Variants in VASH2 observed in about 807,000 individuals in gnomAD.
The protein encoded by VASH2 is tubulinyl-Tyr carboxypeptidase 2.
VASH2 carries 28 observed loss-of-function variants against 37.2 expected under a neutral mutation model. That is an observed-to-expected ratio of 0.75 (90% CI 0.56 to 1.03). The LOEUF is 1.03. VASH2 is among the 50% of genes least tolerant of loss of function. VASH2 has a pLI of 0.00. For missense variants in VASH2, 419 were observed against 459.1 expected (o/e 0.91, Z 0.80); for synonymous variants, 188 against 174.7 (o/e 1.08, Z -0.60).
chr1:212,951,781 T>G lies in VASH2; in HGVS notation c.239T>G (p.Met80Arg). 1 of 1,607,672 alleles carries G rather than the reference T, an allele frequency of 6.2e-7. No individual in the cohort carries two copies. Among genetic ancestry groups the G allele is most frequent in the Non-Finnish European group, 8.5e-7 (1 of 1,178,318 alleles). ...AAGGTGCACCCTAAGGGGGGAGAAA[T>G]GGTGGGCGCCATCAGGAACGCCGCC... The part of the protein sequence containing the change: ...VAKVHPKGGE[M>R]VGAIRNAAFL... Residue 80 changes from methionine (M) to arginine (R), a missense_variant, in exon 2 of 8, where the codon ATG (methionine) becomes AGG (arginine). Around this residue, in one of 3 missense-constraint regions of VASH2, gnomAD observed 158 missense variants for 163.0 expected, o/e 0.97. Coordinates refer to ENST00000517399, the MANE Select transcript of VASH2 (RefSeq NM_001301056.2). This position sits in a 1 kb window ranked among gnomAD's most constrained non-coding sequence, Gnocchi z 4.4.
Position 212,971,174 on chromosome 1 carries a change from A to C in VASH2, c.498-1406A>C, listed in dbSNP as rs1041781267. Among the ~76,000 whole-genome samples, 8 of 152,190 alleles carry C rather than the reference A, an allele frequency of 5.3e-5. No homozygotes were observed. Among genetic ancestry groups the C allele is most frequent in the African/African-American group, 1.7e-4 (7 of 41,444 alleles). On this transcript the variant is annotated intron_variant, in intron 5 of 7. Transcript: ENST00000517399. The surrounding 1 kb of genome is among the most constrained non-coding windows in gnomAD (Gnocchi z 4.0). ...AAATTCTATTACATGTATACACTAC[A>C]TTTTGTTCATCCCTTTATCCATCGA... is the stretch of plus-strand genomic sequence containing the variant.
chr1:212,974,007 A>C lies in VASH2; in HGVS notation c.932A>C (p.Lys311Thr). ...HSPTQVRSRGKSLSPRRRQAS... is the reference protein window; with the variant it reads ...HSPTQVRSRGTSLSPRRRQAS... ...CCGACCCAAGTGAGAAGCCGGGGAA[A>C]ATCCCTGTCCCCCAGAAGGAGACAG... The change falls in exon 7 of 8, where the codon AAA becomes ACA. Residue 311 changes from lysine (K) to threonine (T), a missense_variant. Physicochemically the swap from Lys to Thr is moderately conservative, Grantham distance 78. Transcript: ENST00000517399. 6.2e-7 allele frequency: 1 copy of C among 1,613,888 alleles called. No individual in the cohort carries two copies. Among genetic ancestry groups the C allele is most frequent in the Non-Finnish European group, 8.5e-7 (1 of 1,179,936 alleles).
chr1:212,974,709 A>G (rs1309281611), intron 7 of VASH2: 1 of 152,232 alleles, frequency 6.6e-6, no homozygotes, highest in East Asian at 1.9e-4. Flanking sequence ...TCCGCTGGCA[A>G]ATATTTGAAC....
intron 3 of VASH2, among the ~76,000 whole-genome samples, chr1:212,965,073 A>AT (rs1666800328): frequency 6.6e-6 from 1 of 152,134 alleles, no homozygotes; most frequent in Non-Finnish European, 1.5e-5. Flanking sequence ...GGCCCATGCC[A>AT]TTACACTTGG....
At chr1:212,965,948 C>T (rs1327967025) in intron 4 of VASH2, 170 bp downstream of exon 4, 2 of 644,006 alleles carry the variant, frequency 3.1e-6, no homozygotes, top group Non-Finnish European at 5.4e-6. Flanking sequence ...GAGGACTGAG[C>T]AACTCTGACA....
intron 5 of VASH2, among the ~76,000 whole-genome samples, chr1:212,969,508 T>C (rs879061773): frequency 2.6e-5 from 4 of 152,132 alleles, no homozygotes; most frequent in Admixed American, 6.5e-5. Flanking sequence ...AATTCTTTTT[T>C]TGAGACGGAG....
rs1191908769 is a variant in VASH2 at position 212,989,323 on chromosome 1, T to C, written c.*739T>C. On this transcript the variant is annotated 3_prime_UTR_variant, in exon 8 of 8. Transcript: ENST00000517399. ...GTTTTTTCAAAATGAAACAAAAATA[T>C]CACATTGAGAAGCTAGTCTATGTTC... The C allele has an allele frequency of 6.6e-6, 1 of 152,210 alleles. No homozygotes were observed. Among genetic ancestry groups the C allele is most frequent in the Non-Finnish European group, 1.5e-5 (1 of 68,042 alleles). The allele number at this position is 152,210 out of a possible 1,614,324, so 9.4% of individuals were successfully genotyped here.
At chr1:212,972,497 C>T in intron 5 of VASH2, 83 bp from the exon 6 acceptor site, 1 of 1,547,252 alleles carries the variant, frequency 6.5e-7, no homozygotes, top group East Asian at 2.2e-5. Flanking sequence ...ACTCACTGAA[C>T]CCTGAGACAC....
At chr1:212,974,383 GA>G (rs1470460217) in intron 7 of VASH2, among the ~76,000 whole-genome samples, 46 of 152,208 alleles carry the variant, frequency 3.0e-4, no homozygotes, top group Admixed American at 2.9e-3. Flanking sequence ...CCTGGGGCTG[GA>G]ACTGGCTCAG....
intron 6 of VASH2, 182 bp from the exon 7 acceptor site, chr1:212,973,773 A>G (rs1667091134): frequency 1.4e-6 from 2 of 1,383,952 alleles, no homozygotes; most frequent in Non-Finnish European, 1.9e-6. Flanking sequence ...GCTGCTTGAC[A>G]GTACAGGACG....
At chr1:212,957,090 T>G (rs1170032630) in intron 2 of VASH2, among the ~76,000 whole-genome samples, 1 of 152,254 alleles carries the variant, frequency 6.6e-6, no homozygotes, top group Non-Finnish European at 1.5e-5. Context: ...CTTTGACTAC[T>G]CTGGGAACCT....
intron 7 of VASH2, among the ~76,000 whole-genome samples, chr1:212,979,199 A>T (rs1006550957): frequency 6.6e-6 from 1 of 152,240 alleles, no homozygotes; most frequent in Non-Finnish European, 1.5e-5. Flanking sequence ...GGAGAGAAGC[A>T]GCTTCTCAGC....
At chr1:212,966,991 C>T in intron 5 of VASH2, 1 of 695,736 alleles carries the variant, frequency 1.4e-6, no homozygotes. Flanking sequence ...GTGATCCGCC[C>T]ACCTCAGCCT....
In VASH2 at chr1:212,983,690, C is replaced by T. The variant is rs139923394; in HGVS notation, c.996-4822C>T. Among the ~76,000 whole-genome samples, 6 of 152,306 alleles carry T rather than the reference C, an allele frequency of 3.9e-5. No homozygotes were observed. The South Asian group carries it at 6.2e-4, about 16-fold the overall frequency. On this transcript the variant is annotated intron_variant, in intron 7 of 7. Transcript: ENST00000517399. ...TGTGATGGTAGGGAGTCAGAAAATA[C>T]TTCCTGAGGTTAGTGACATTTGGGA...
rs1240290611 is a variant in VASH2, at chr1:212,965,902, C to T, written c.422+124C>T. The T allele has an allele frequency of 4.4e-5, 44 of 990,260 alleles. 1 individual carries two copies. The South Asian group carries it at 4.5e-4, about 10-fold the overall frequency. The allele number at this position is 990,260 out of a possible 1,614,324, so 61.3% of individuals were successfully genotyped here. ...TATCCTAGTCTGTAAGGGGTGGAGG[C>T]GGAGGGTGCCCCAGGGCCAGGTTGG... On this transcript the variant is annotated intron_variant, in intron 4 of 7. Coordinates refer to ENST00000517399, the MANE Select transcript of VASH2 (RefSeq NM_001301056.2).
At chr1:212,954,403 A>G (rs1251082740) in intron 2 of VASH2, among the ~76,000 whole-genome samples, 1 of 152,060 alleles carries the variant, frequency 6.6e-6, no homozygotes, top group Non-Finnish European at 1.5e-5. Flanking sequence ...TTGTAGCTGA[A>G]TGCTGTGTTC....
At chr1:212,960,476 G>A (rs543243402) in intron 2 of VASH2, among the ~76,000 whole-genome samples, 5 of 152,344 alleles carry the variant, frequency 3.3e-5, no homozygotes, top group East Asian at 1.9e-4. Flanking sequence ...CACACTGGGC[G>A]TTGCAGGGAG....
chr1:212,958,206 G>T (rs1666555242), intron 2 of VASH2, among the ~76,000 whole-genome samples: 1 of 152,150 alleles, frequency 6.6e-6, no homozygotes, highest in Non-Finnish European at 1.5e-5. Context: ...GTTGGAAGTG[G>T]ACCCTCCAGG....
chr1:212,962,964 T>G (rs1189584463), intron 3 of VASH2, among the ~76,000 whole-genome samples: 2 of 144,760 alleles, frequency 1.4e-5, no homozygotes, highest in Non-Finnish European at 3.0e-5. Context: ...GCAATTAGAA[T>G]GCCTCCCCAT....
Sources: allele counts gnomAD v4.1 joint callset (sites outside exome capture counted in the v4.1 genomes callset), GRCh38; gene constraint gnomAD v4.1.1; regional missense constraint gnomAD v4.1.1; non-coding constraint Gnocchi (gnomAD v3.1); transcripts MANE v1.5; gene names NCBI Gene and HGNC (gene_info 2026-07-23, HGNC 2026-07-21).